The following STARD9 variants were observed in gnomAD, a reference collection of about 807,000 sequenced individuals.
STARD9 encodes the protein StAR related lipid transfer domain containing 9.
Under a neutral mutation model 399.8 loss-of-function variants are expected in STARD9, and 346 were observed. That is an observed-to-expected ratio of 0.87 (90% CI 0.79 to 0.95). STARD9 has a LOEUF of 0.95. Ranked by LOEUF, STARD9 falls within the 40% of genes least tolerant of loss-of-function variation. The probability of loss-of-function intolerance (pLI) is 0.00; values close to 1 mark genes in which losing one functional copy is unlikely to be tolerated. For synonymous variants in STARD9, 2,203 were observed against 2,143.5 expected (o/e 1.03, Z -0.77); for missense variants, 5,832 against 5,667.5 (o/e 1.03, Z -0.93).
chr15:42,592,361 G>A (rs1158221672), intron 3 of STARD9, among the ~76,000 whole-genome samples: 1 of 152,198 alleles, frequency 6.6e-6, no homozygotes, highest in South Asian at 2.1e-4. Context: ...TGAATGGGAT[G>A]TGGTTGGAGA....
rs770511313 is a variant in STARD9, at chr15:42,690,514, A to G, written c.8936A>G (p.Asp2979Gly). 6.5e-7 allele frequency: 1 copy of G among 1,537,026 alleles called. No homozygotes were observed. The highest frequency in any genetic ancestry group is 2.4e-5 in the East Asian group (1 of 40,926). ...TCCTCTACTTTACTGTGTTTTAGAGATGGTGACCTAGGGAAGGAGCCTTTC... is the reference window on the plus strand; with the variant it reads ...TCCTCTACTTTACTGTGTTTTAGAGGTGGTGACCTAGGGAAGGAGCCTTTC... ...SHSSTLLCFR[D>G]GDLGKEPFKA... Residue 2979 changes from aspartate to glycine, a missense_variant, in exon 23 of 33, where the codon GAT becomes GGT. Transcript: ENST00000290607.
chr15:42,675,128 C>G (rs182241507), intron 18 of STARD9, among the ~76,000 whole-genome samples, 164 bp downstream of exon 18: 7 of 152,288 alleles, frequency 4.6e-5, no homozygotes, highest in Non-Finnish European at 8.8e-5. Context: ...CATAAACAAG[C>G]CTTAATTCCA....
chr15:42,586,734 G>T (rs867284234), intron 3 of STARD9, among the ~76,000 whole-genome samples: 2 of 152,168 alleles, frequency 1.3e-5, no homozygotes, highest in Middle Eastern at 6.8e-3. Context: ...ACTGGAAATA[G>T]AAATATTTTT....
chr15:42,714,420 T>G (rs970513055), intron 26 of STARD9, among the ~76,000 whole-genome samples: 28 of 152,290 alleles, frequency 1.8e-4, no homozygotes, highest in African/African-American at 6.5e-4. Flanking sequence ...AGTCAGTAAT[T>G]TACATTATTG....
At position 42,687,550 on chromosome 15, in the gene STARD9, C is replaced by T. The variant is rs1180000283; in HGVS notation, c.5972C>T (p.Ser1991Leu). 3.9e-6 allele frequency: 6 copies of T among 1,536,838 alleles called. No individual in the cohort carries two copies. In the East Asian group the frequency reaches 1.5e-4, roughly 38 times the overall value. Residue 1991 changes from serine to leucine, a missense_variant, in exon 23 of 33, where the codon TCA becomes TTA. Physicochemically the swap from Ser to Leu is moderately radical, Grantham distance 145 (BLOSUM62 -2). Transcript: ENST00000290607. ...AAAGGTCTTCGTCCCAAAGATAGCT[C>T]AGAAGAGTTTAAGCTTCCAGGTACA... ...LEKGLRPKDSSEEFKLPGTKP... is the reference protein window; with the variant it reads ...LEKGLRPKDSLEEFKLPGTKP...
chr15:42,695,949 TGTGCCTCCTGGAGTTTGGGCAAGACGCC>T (rs1370670101), intron 26 of STARD9, 69 bp downstream of exon 26: 51 of 1,471,022 alleles, frequency 3.5e-5, no homozygotes, highest in Non-Finnish European at 4.5e-5. Flanking sequence ...AGCAGGACGC[TGTGCCTCCTGGAGTTTGGGCAAGACGCC>T]GTGCCTCCTG....
chr15:42,679,916 C>G (rs1421845068), intron 20 of STARD9, among the ~76,000 whole-genome samples: 2 of 152,150 alleles, frequency 1.3e-5, no homozygotes, highest in Admixed American at 6.5e-5. Context: ...AAGTGGTTCC[C>G]TTACAGCGTA....
intron 7 of STARD9, among the ~76,000 whole-genome samples, chr15:42,641,651 C>G (rs1430855628): frequency 6.6e-6 from 1 of 151,144 alleles, no homozygotes; most frequent in Non-Finnish European, 1.5e-5. Context: ...ATTGCCCAGA[C>G]TGGAGTGCAA....
intron 3 of STARD9, among the ~76,000 whole-genome samples, chr15:42,605,287 G>A (rs932777443): frequency 2.6e-5 from 4 of 152,202 alleles, no homozygotes; most frequent in Admixed American, 1.3e-4. Context: ...CTGCAGGAAA[G>A]GCAGAGTTGA....
chr15:42,719,731 T>C lies in STARD9; in HGVS notation c.*157T>C, dbSNP rs2061417902. ...GCAGACAGCACTGGCCCAGGGATGC[T>C]AGCAAAGCCCAGTCAGTACTTGGTC... On this transcript the variant is annotated 3_prime_UTR_variant, in exon 33 of 33. Transcript: ENST00000290607. The C allele has an allele frequency of 1.2e-5, 7 of 599,700 alleles. No individual in the cohort carries two copies. Among genetic ancestry groups the C allele is most frequent in the African/African-American group, 1.9e-5 (1 of 53,676 alleles). 37.1% of individuals were successfully genotyped at this position (599,700 alleles called of 1,614,324 possible). A position where few individuals can be genotyped will look rare whatever the true frequency, so the allele number is the denominator to read the frequency against.
At chr15:42,629,079 A>G (rs1024948557) in intron 3 of STARD9, among the ~76,000 whole-genome samples, 3 of 151,898 alleles carry the variant, frequency 2.0e-5, no homozygotes, top group African/African-American at 7.3e-5. Flanking sequence ...GAGTGCAGGG[A>G]CGTGATCATT....
intron 9 of STARD9, among the ~76,000 whole-genome samples, chr15:42,660,060 A>G (rs1377713185): frequency 2.0e-5 from 3 of 152,228 alleles, no homozygotes; most frequent in Non-Finnish European, 2.9e-5. Context: ...ATGCCTTAAC[A>G]TGGATAAATC....
At chr15:42,649,681 TC>T (rs1324731651) in intron 7 of STARD9, among the ~76,000 whole-genome samples, 1 of 151,654 alleles carries the variant, frequency 6.6e-6, no homozygotes, top group Non-Finnish European at 1.5e-5. Flanking sequence ...TGCCCCAGCC[TC>T]CTGAGTAGCT....
rs977569070 is a variant in STARD9, at chr15:42,699,654, A to G, written c.13284+3774A>G. On this transcript the variant is annotated intron_variant, in intron 26 of 32. Coordinates refer to ENST00000290607, the MANE Select transcript of STARD9 (RefSeq NM_020759.3). ...GTGATCTGCCCGCCTTGGCCTCCCAAAATGCTGGGATTACAGACGTGAGCC... is the reference window on the plus strand; with the variant it reads ...GTGATCTGCCCGCCTTGGCCTCCCAGAATGCTGGGATTACAGACGTGAGCC... 2.6e-5 allele frequency among the ~76,000 whole-genome samples: 4 copies of G among 151,450 alleles called. No individual in the cohort carries two copies. In the South Asian group the frequency reaches 8.3e-4, roughly 32 times the overall value.
In STARD9 at chr15:42,693,021, C is replaced by T. The variant is rs2060751279; in HGVS notation, c.11443C>T (p.Pro3815Ser). 1.3e-6 allele frequency: 2 copies of T among 1,537,202 alleles called. No individual in the cohort carries two copies. Among genetic ancestry groups the T allele is most frequent in the Non-Finnish European group, 1.7e-6 (2 of 1,146,894 alleles). ...TPYKPQSPSIPSSHLRFQKAP... is the reference protein window; with the variant it reads ...TPYKPQSPSISSSHLRFQKAP... Reference sequence around the variant, plus strand: ...CTACAAGCCCCAGAGCCCTTCAATACCCTCATCCCACTTGAGGTTTCAGAA... The same window carrying T: ...CTACAAGCCCCAGAGCCCTTCAATATCCTCATCCCACTTGAGGTTTCAGAA... The change falls in exon 23 of 33, where the codon CCC becomes TCC. Residue 3815 changes from proline (P) to serine (S), a missense_variant. Around this residue, in one of 2 missense-constraint regions of STARD9, gnomAD observed 5,828 missense variants for 5,651.1 expected, o/e 1.03. Coordinates refer to ENST00000290607, the MANE Select transcript of STARD9 (RefSeq NM_020759.3).
chr15:42,688,903 C>G lies in STARD9; in HGVS notation c.7325C>G (p.Pro2442Arg), dbSNP rs202017657. 2.2e-3 allele frequency: 3,328 copies of G among 1,537,338 alleles called. 2 individuals carry two copies. The highest frequency in any genetic ancestry group is 2.4e-3 in the Non-Finnish European group (2,768 of 1,146,942). ...GACAGGATCTCAGCAAGCACCAGCC[C>G]CCAAGACCATGGAAAGGACCTCAGA... is the stretch of plus-strand genomic sequence containing the variant. The part of the protein sequence containing the change: ...TEDRISASTS[P>R]QDHGKDLRIT... Residue 2442 changes from proline to arginine, a missense_variant, in exon 23 of 33, where the codon CCC (proline) becomes CGC (arginine). By Grantham distance (103) the Pro-to-Arg change is moderately radical. Around this residue, in one of 2 missense-constraint regions of STARD9, gnomAD observed 5,828 missense variants for 5,651.1 expected, o/e 1.03. Coordinates refer to ENST00000290607, the MANE Select transcript of STARD9 (RefSeq NM_020759.3).
At chr15:42,582,138 CTAAA>C (rs1480291780) in intron 1 of STARD9, among the ~76,000 whole-genome samples, 27 of 152,134 alleles carry the variant, frequency 1.8e-4, no homozygotes, top group Non-Finnish European at 3.7e-4. Flanking sequence ...GATCCTGTCT[CTAAA>C]TAAATCAATA....
At position 42,718,456 on chromosome 15, in the gene STARD9, C is replaced by T. The variant is rs2061391650; in HGVS notation, c.13784C>T (p.Thr4595Ile). Residue 4595 changes from threonine (T) to isoleucine (I), a missense_variant, in exon 31 of 33, where the codon ACC becomes ATC. This residue lies in a region of STARD9 where 5,828 missense variants were observed against 5,651.1 expected (regional missense o/e 1.03). Coordinates refer to ENST00000290607, the MANE Select transcript of STARD9 (RefSeq NM_020759.3). ...ISLVYLVCNT[T>I]LCALKQPRDF... ...CCAGTGTACTTGGTGTGCAACACCA[C>T]CCTGTGCGCACTGAAGCAGCCACGG... is the stretch of plus-strand genomic sequence containing the variant. 6.5e-6 allele frequency: 10 copies of T among 1,537,196 alleles called. No individual in the cohort carries two copies. The highest frequency in any genetic ancestry group is 8.7e-6 in the Non-Finnish European group (10 of 1,146,856).
intron 3 of STARD9, among the ~76,000 whole-genome samples, chr15:42,598,220 A>G (rs915314664): frequency 2.0e-5 from 3 of 148,646 alleles, no homozygotes; most frequent in African/African-American, 5.0e-5. Context: ...TTTAGTAGAG[A>G]CGGGGTTTCA....
Sources: allele counts gnomAD v4.1 joint callset (sites outside exome capture counted in the v4.1 genomes callset), GRCh38; gene constraint gnomAD v4.1.1; regional missense constraint gnomAD v4.1.1; transcripts MANE v1.5; gene names NCBI Gene and HGNC (gene_info 2026-07-23, HGNC 2026-07-21).